DOP1B: variants seen among roughly 807,000 people sequenced by gnomAD.
DOP1B encodes the protein protein DOP1B.
In DOP1B, 174 loss-of-function variants were observed where a neutral mutation model predicts 233.5. That is an observed-to-expected ratio of 0.75 (90% CI 0.66 to 0.85). The LOEUF (loss-of-function observed/expected upper bound fraction) is 0.85. Ranked by LOEUF, DOP1B falls within the 40% of genes least tolerant of loss-of-function variation. DOP1B has a pLI of 0.00. For synonymous variants in DOP1B, 1,190 were observed against 1,185.6 expected (o/e 1.00, Z -0.08); for missense variants, 2,652 against 2,846.6 (o/e 0.93, Z 1.56).
At chr21:36,243,204 T>C (rs779889923) in intron 18 of DOP1B, among the ~76,000 whole-genome samples, 1 of 152,226 alleles carries the variant, frequency 6.6e-6, no homozygotes, top group South Asian at 2.1e-4. Context: ...GGTCTTGAAC[T>C]CCTGGCCCCA....
intron 11 of DOP1B, among the ~76,000 whole-genome samples, chr21:36,224,354 A>G (rs1276950966): frequency 1.3e-5 from 2 of 151,960 alleles, no homozygotes; most frequent in African/African-American, 4.8e-5. Context: ...TAATTTTTGT[A>G]TTTTTAGTAG....
chr21:36,200,367 G>A lies in DOP1B; in HGVS notation c.357G>A (p.Val119=), dbSNP rs749639655. Residue 119 remains valine, a synonymous_variant, in exon 4 of 37, where the codon GTG becomes GTA. Coordinates refer to ENST00000691173, the MANE Select transcript of DOP1B (RefSeq NM_001320714.2). ...TTCCTCTCCTGGCACACGCGGCGGT[G>A]TCGGTGAGGCCGGTGCTGCTCACCC... The part of the protein sequence containing the change: ...GLFPLLAHAA[V]SVRPVLLTLY... The A allele has an allele frequency of 2.8e-5, 45 of 1,609,882 alleles. No individual in the cohort carries two copies. In the Admixed American group the frequency reaches 7.5e-4, roughly 27 times the overall value.
rs1601364247 is a variant in DOP1B at position 36,156,922 on chromosome 21, C to T, written c.-48C>T. On this transcript the variant is annotated 5_prime_UTR_variant, in exon 1 of 37. Coordinates refer to ENST00000691173, the MANE Select transcript of DOP1B (RefSeq NM_001320714.2). Reference sequence around the variant, plus strand: ...CCTCCGCGCCGCACGTGAGCGCGCCCGCCAACAGGGCCACTGCCGCGGTAA... The same window carrying T: ...CCTCCGCGCCGCACGTGAGCGCGCCTGCCAACAGGGCCACTGCCGCGGTAA... The T allele has an allele frequency of 6.6e-6, 1 of 152,382 alleles. No individual in the cohort carries two copies. 9.4% of individuals were successfully genotyped at this position (152,382 alleles called of 1,614,324 possible).
chr21:36,222,552 C>G (rs2066638171), intron 10 of DOP1B, among the ~76,000 whole-genome samples: 1 of 150,858 alleles, frequency 6.6e-6, no homozygotes, highest in African/African-American at 2.4e-5. Flanking sequence ...TACCACTGCA[C>G]TCCAGCCTAG....
Position 36,251,027 on chromosome 21 carries a change from A to G in DOP1B, c.4999-135A>G. The G allele has an allele frequency of 2.5e-6, 3 of 1,204,972 alleles. No homozygotes were observed. The South Asian group carries it at 5.0e-5, about 20-fold the overall frequency. 74.6% of individuals were successfully genotyped at this position (1,204,972 alleles called of 1,614,324 possible). A position where few individuals can be genotyped will look rare whatever the true frequency, so the allele number is the denominator to read the frequency against. On this transcript the variant is annotated intron_variant, in intron 21 of 36. Transcript: ENST00000691173. ...ATTGCTGGGATCCACCCATCAGGGA[A>G]GCACCTCAGCACAACATTGGGCACA...
chr21:36,219,233 G>A (rs1424262322), intron 9 of DOP1B, 139 bp from the exon 10 acceptor site: 4 of 1,161,486 alleles, frequency 3.4e-6, no homozygotes, highest in Non-Finnish European at 4.8e-6. Flanking sequence ...GTAAAGTTAA[G>A]TTTCTGTATA....
intron 24 of DOP1B, among the ~76,000 whole-genome samples, chr21:36,263,237 C>CAAAAAA (rs34161973): frequency 9.7e-6 from 1 of 103,004 alleles, no homozygotes; most frequent in African/African-American, 3.7e-5. Flanking sequence ...TCCGTCTCAC[C>CAAAAAA]AAAAAAAAAA....
Position 36,263,745 on chromosome 21 carries a change from C to T in DOP1B, c.5421-3C>T. The T allele has an allele frequency of 6.2e-7, 1 of 1,614,194 alleles. No homozygotes were observed. Among genetic ancestry groups the T allele is most frequent in the Non-Finnish European group, 8.5e-7 (1 of 1,180,030 alleles). ...TAATCTGAAGCTGATTGTCTCCCAA[C>T]AGCATGCTGAATGACTTTGTAACAA... On this transcript the variant is annotated splice_polypyrimidine_tract_variant and splice_region_variant and intron_variant, in intron 25 of 36. Transcript: ENST00000691173.
chr21:36,289,066 A>G lies in DOP1B; in HGVS notation c.6375A>G (p.Arg2125=). The change falls in exon 35 of 37, where the codon AGA becomes AGG. Residue 2125 remains arginine (R), a synonymous_variant. Transcript: ENST00000691173. ...ESLRSTNKVN[R]TKVSVPDANG... is the part of the protein sequence containing the mutation. Reference sequence around the variant, plus strand: ...ATAGAAGCACCAACAAAGTAAACAGAACGAAAGTTTCAGTCCCGGATGCAA... The same window carrying G: ...ATAGAAGCACCAACAAAGTAAACAGGACGAAAGTTTCAGTCCCGGATGCAA... 2 of 1,612,582 alleles carry G rather than the reference A, an allele frequency of 1.2e-6. No homozygotes were observed. Among genetic ancestry groups the G allele is most frequent in the Non-Finnish European group, 1.7e-6 (2 of 1,179,734 alleles).
At chr21:36,191,868 T>C (rs1435165833) in intron 2 of DOP1B, among the ~76,000 whole-genome samples, 1 of 152,198 alleles carries the variant, frequency 6.6e-6, no homozygotes, top group Non-Finnish European at 1.5e-5. Flanking sequence ...CTTTTCTCTT[T>C]ATGCTATTGT....
At position 36,223,268 on chromosome 21, in the gene DOP1B, A is replaced by G. The variant is rs1167997998; in HGVS notation, c.1288A>G (p.Lys430Glu). 1 of 1,608,750 alleles carries G rather than the reference A, an allele frequency of 6.2e-7. No individual in the cohort carries two copies. Among genetic ancestry groups the G allele is most frequent in the Admixed American group, 1.7e-5 (1 of 58,348 alleles). The change falls in exon 11 of 37, where the codon AAA becomes GAA. Residue 430 changes from lysine to glutamate, a missense_variant. Physicochemically the swap from Lys to Glu is moderately conservative, Grantham distance 56. This residue lies in a region of DOP1B where 2,617 missense variants were observed against 2,794.3 expected (regional missense o/e 0.94). Coordinates refer to ENST00000691173, the MANE Select transcript of DOP1B (RefSeq NM_001320714.2). The part of the protein sequence containing the change: ...KENRNASEIV[K>E]TVNLLITSLS... Reference sequence around the variant, plus strand: ...AAACAGAAATGCCTCTGAGATTGTCAAAACGGTAAATTTGCTGATAACTTC... The same window carrying G: ...AAACAGAAATGCCTCTGAGATTGTCGAAACGGTAAATTTGCTGATAACTTC...
intron 1 of DOP1B, among the ~76,000 whole-genome samples, chr21:36,161,267 T>G (rs2065866876): frequency 6.6e-6 from 1 of 152,054 alleles, no homozygotes; most frequent in Non-Finnish European, 1.5e-5. Flanking sequence ...CGCCTCAGCC[T>G]CCTGAATAGC....
In DOP1B at chr21:36,203,874, C is replaced by CT. The variant is rs34151956; in HGVS notation, c.491+3388dup. ...GATAACCTATGACTGGTCAGAAATC[C>CT]TTTTTTTTTTTTTTTAAGTGCCCAT... is the stretch of plus-strand genomic sequence containing the variant. On this transcript the variant is annotated intron_variant, in intron 4 of 36. Coordinates refer to ENST00000691173, the MANE Select transcript of DOP1B (RefSeq NM_001320714.2). Among the ~76,000 whole-genome samples, 472 of 141,034 alleles carry CT rather than the reference C, an allele frequency of 3.3e-3. 2 individuals are homozygous for CT. The highest frequency in any genetic ancestry group is 9.1e-3 in the African/African-American group (349 of 38,512). The allele number at this position is 141,034 out of a possible 152,430, so 92.5% of individuals were successfully genotyped here.
chr21:36,258,411 A>G lies in DOP1B; in HGVS notation c.5260-2266A>G, dbSNP rs556548279. Among the ~76,000 whole-genome samples the G allele has an allele frequency of 2.7e-5, 4 of 149,638 alleles. No homozygotes were observed. In the South Asian group the frequency reaches 8.6e-4, roughly 32 times the overall value. Reference sequence around the variant, plus strand: ...CAAGACCCTGTCTGAAAACAAAAGAAAGACTTTTTTTTTTTTTCACATCAG... The same window carrying G: ...CAAGACCCTGTCTGAAAACAAAAGAGAGACTTTTTTTTTTTTTCACATCAG... On this transcript the variant is annotated intron_variant, in intron 23 of 36. Transcript: ENST00000691173.
In DOP1B at chr21:36,232,809, G is replaced by A. The variant is rs373937738; in HGVS notation, c.2356G>A (p.Gly786Ser). 86 of 1,612,070 alleles carry A rather than the reference G, an allele frequency of 5.3e-5. No homozygotes were observed. Among genetic ancestry groups the A allele is most frequent in the Admixed American group, 2.5e-4 (15 of 59,916 alleles). ...TCCGGCTGGCTTCCTTTCAGGAGCC[G>A]GTGATTCCAGTTTTCCATCTTGGCT... ...CATLFQLPGA[G>S]DSSFPSWLKS... The change falls in exon 15 of 37, where the codon GGT becomes AGT. Residue 786 changes from glycine (G) to serine (S), a missense_variant. Physicochemically the swap from Gly to Ser is moderately conservative, Grantham distance 56. This residue lies in a region of DOP1B where 2,617 missense variants were observed against 2,794.3 expected (regional missense o/e 0.94). Coordinates refer to ENST00000691173, the MANE Select transcript of DOP1B (RefSeq NM_001320714.2).
chr21:36,252,086 A>G (rs2123609611), intron 22 of DOP1B, among the ~76,000 whole-genome samples: 1 of 151,922 alleles, frequency 6.6e-6, no homozygotes, highest in East Asian at 1.9e-4. Context: ...CTAAGGTGGG[A>G]GGATCACTTG....
intron 4 of DOP1B, among the ~76,000 whole-genome samples, chr21:36,206,441 AATTG>A (rs899292810): frequency 1.3e-5 from 2 of 151,922 alleles, no homozygotes; most frequent in African/African-American, 4.8e-5. Context: ...GAGGCAGGAA[AATTG>A]ATTGAGCCCA....
At chr21:36,176,087 G>GTTGTGTGTGCGTGTGTGTGTGT (rs2066021068) in intron 2 of DOP1B, among the ~76,000 whole-genome samples, 1 of 96,534 alleles carries the variant, frequency 1.0e-5, no homozygotes, top group South Asian at 2.8e-4. Context: ...TCGACTTTGG[G>GTTGTGTGTGCGTGTGTGTGTGT]GTGTGTGTGC....
At chr21:36,251,067 C>T (rs2067027091) in intron 21 of DOP1B, 95 bp from the exon 22 acceptor site, 1 of 1,464,170 alleles carries the variant, frequency 6.8e-7, no homozygotes, top group African/African-American at 1.4e-5. Flanking sequence ...TGACAGGGTC[C>T]TTGCTCTCGG....
Sources: gnomAD v4.1 joint callset for allele counts (sites outside exome capture counted in the v4.1 genomes callset) on GRCh38, gnomAD v4.1.1 for gene constraint, gnomAD v4.1.1 regional missense constraint, MANE v1.5 for transcripts, NCBI Gene and HGNC (gene_info 2026-07-23, HGNC 2026-07-21) for gene names.